FAM178B: variants seen among roughly 807,000 people sequenced by gnomAD.
The protein encoded by FAM178B is protein FAM178B.
Under a neutral mutation model 91.7 loss-of-function variants are expected in FAM178B, and 82 were observed. The observed-to-expected ratio is 0.89, with a 90% CI of 0.75 to 1.07. The LOEUF is 1.07. FAM178B is among the 50% of genes least tolerant of loss of function. FAM178B has a pLI of 0.00. For missense variants in FAM178B, 769 were observed against 846.7 expected, an observed-to-expected ratio of 0.91 and a Z score of 1.14; for synonymous variants, 368 against 359.4, an observed-to-expected ratio of 1.02 and a Z score of -0.27.
chr2:96,923,820 G>A (rs1005693033), intron 9 of FAM178B, among the ~76,000 whole-genome samples: 6 of 152,326 alleles, frequency 3.9e-5, no homozygotes, highest in Non-Finnish European at 7.3e-5. Flanking sequence ...GTGGGGCTGC[G>A]GTCACCTGAG....
intron 13 of FAM178B, among the ~76,000 whole-genome samples, chr2:96,896,958 C>T (rs1050979917): frequency 9.2e-5 from 14 of 152,210 alleles, no homozygotes; most frequent in African/African-American, 3.4e-4. Context: ...CCTCCACCTC[C>T]TGGGCTCAAG....
intron 12 of FAM178B, among the ~76,000 whole-genome samples, chr2:96,909,573 C>G (rs2081116628): frequency 6.6e-6 from 1 of 152,182 alleles, no homozygotes; most frequent in African/African-American, 2.4e-5. Context: ...GTCAATGTTC[C>G]CTTTCAAGTG....
intron 12 of FAM178B, among the ~76,000 whole-genome samples, chr2:96,919,708 A>T (rs954566551): frequency 2.6e-5 from 4 of 152,180 alleles, no homozygotes; most frequent in Admixed American, 2.6e-4. Flanking sequence ...GCTGGGCTGC[A>T]GGCAGCCTCC....
intron 8 of FAM178B, among the ~76,000 whole-genome samples, chr2:96,945,651 C>T (rs954647298): frequency 4.6e-5 from 7 of 152,206 alleles, no homozygotes; most frequent in Non-Finnish European, 8.8e-5. Flanking sequence ...CTCAGACACT[C>T]AGAGCCCTAG....
At chr2:96,947,703 G>T in intron 8 of FAM178B, 115 bp downstream of exon 8, 1 of 634,906 alleles carries the variant, frequency 1.6e-6, no homozygotes, top group Non-Finnish European at 2.8e-6. Context: ...TCTACACCCT[G>T]GATGCAATGT....
chr2:96,934,115 G>T (rs941244975), intron 8 of FAM178B, among the ~76,000 whole-genome samples: 3 of 152,216 alleles, frequency 2.0e-5, no homozygotes, highest in African/African-American at 7.2e-5. Context: ...GGACCCAGTG[G>T]TGAACAAAAC....
At chr2:96,915,268 C>A (rs1399673703) in intron 12 of FAM178B, among the ~76,000 whole-genome samples, 1 of 151,748 alleles carries the variant, frequency 6.6e-6, no homozygotes, top group Non-Finnish European at 1.5e-5. Flanking sequence ...TGCCACCATG[C>A]CCAGCTAATT....
At chr2:96,970,662 G>C in intron 4 of FAM178B, 54 bp downstream of exon 4, 1 of 1,388,614 alleles carries the variant, frequency 7.2e-7, no homozygotes, top group Non-Finnish European at 1.0e-6. Flanking sequence ...TCCCGGGACT[G>C]CTGCCAACCC....
rs1178333498 is a variant in FAM178B at position 96,921,188 on chromosome 2, G to A, written c.1539C>T (p.Phe513=). Residue 513 remains phenylalanine (F), a synonymous_variant, in exon 12 of 17, where the codon TTC becomes TTT. Coordinates refer to ENST00000490605, the MANE Select transcript of FAM178B (RefSeq NM_001122646.3). ...ACCTGCTCCGGGAGGTCATGTCTGGGAAGAACTGCACGAGGGCCAGCAGGT... is the reference window on the plus strand; with the variant it reads ...ACCTGCTCCGGGAGGTCATGTCTGGAAAGAACTGCACGAGGGCCAGCAGGT... ...HHNLLALVQF[F]PDMTSRSRRL... 10 of 1,551,550 alleles carry A rather than the reference G, an allele frequency of 6.4e-6. No homozygotes were observed. The highest frequency in any genetic ancestry group is 8.7e-6 in the Non-Finnish European group (10 of 1,146,944).
chr2:96,910,064 A>C (rs1368407149), intron 12 of FAM178B, among the ~76,000 whole-genome samples: 1 of 152,212 alleles, frequency 6.6e-6, no homozygotes, highest in Non-Finnish European at 1.5e-5. Flanking sequence ...ACATACAGGC[A>C]CTGCACAGTC....
chr2:96,896,073 A>AG (rs1224507960), intron 13 of FAM178B, among the ~76,000 whole-genome samples: 1 of 152,214 alleles, frequency 6.6e-6, no homozygotes, highest in Non-Finnish European at 1.5e-5. Context: ...GATAGTTTCC[A>AG]GAACAGTTCT....
rs2080931969 is a variant in FAM178B, at chr2:96,901,501, C to T, written c.1650+1119G>A. Among the ~76,000 whole-genome samples, 3 of 152,256 alleles carry T rather than the reference C, an allele frequency of 2.0e-5. No individual in the cohort carries two copies. The South Asian group carries it at 6.2e-4, about 32-fold the overall frequency. ...GAAGGCCGACCTCTTAATGCCCTTG[C>T]TGCCCCAACAATACCTAACCCTGGG... On this transcript the variant is annotated intron_variant, in intron 13 of 16. Transcript: ENST00000490605.
intron 6 of FAM178B, among the ~76,000 whole-genome samples, chr2:96,958,101 C>G (rs1288751363): frequency 7.3e-6 from 1 of 137,502 alleles, no homozygotes; most frequent in Non-Finnish European, 1.5e-5. Context: ...TGGAGTCTCG[C>G]TCTGTCCCCT....
chr2:96,944,702 A>G (rs2081793885), intron 8 of FAM178B, among the ~76,000 whole-genome samples: 1 of 152,236 alleles, frequency 6.6e-6, no homozygotes, highest in African/African-American at 2.4e-5. Context: ...ATTTGTTATC[A>G]ATAGTCAAAA....
chr2:96,912,327 T>C (rs1451447767), intron 12 of FAM178B, among the ~76,000 whole-genome samples: 3 of 151,062 alleles, frequency 2.0e-5, no homozygotes, highest in Non-Finnish European at 4.4e-5. Flanking sequence ...CCCCCAGCAG[T>C]GGAAAGAGTG....
chr2:96,960,189 C>T (rs774378900), intron 6 of FAM178B, 99 bp downstream of exon 6: 213 of 1,375,330 alleles, frequency 1.5e-4, no homozygotes, highest in Middle Eastern at 5.2e-4. Flanking sequence ...ATCACCTCTT[C>T]GAACTTCCCC....
intron 7 of FAM178B, among the ~76,000 whole-genome samples, chr2:96,950,719 G>A (rs1219984933): frequency 6.6e-6 from 1 of 152,192 alleles, no homozygotes; most frequent in Non-Finnish European, 1.5e-5. Flanking sequence ...AAGGTGTCAA[G>A]CCCTGGGCAA....
chr2:96,950,236 G>T, intron 7 of FAM178B: 6 of 922,394 alleles, frequency 6.5e-6, no homozygotes, highest in Non-Finnish European at 7.8e-6. Flanking sequence ...CACACACTGT[G>T]CAAGGAGCAG....
chr2:96,898,489 T>TA (rs1442544179), intron 13 of FAM178B, among the ~76,000 whole-genome samples: 1 of 152,002 alleles, frequency 6.6e-6, no homozygotes, highest in African/African-American at 2.4e-5. Flanking sequence ...ACCCTGCCGC[T>TA]AAAAAAATAC....
Sources: gnomAD v4.1 joint callset for allele counts (sites outside exome capture counted in the v4.1 genomes callset) on GRCh38, gnomAD v4.1.1 for gene constraint, MANE v1.5 for transcripts, NCBI Gene and HGNC (gene_info 2026-07-23, HGNC 2026-07-21) for gene names.